MYBPC3: variants seen among roughly 807,000 people sequenced by gnomAD.
The protein encoded by MYBPC3 is myosin-binding protein C, cardiac-type.
MYBPC3 carries 108 observed loss-of-function variants against 159.3 expected under a neutral mutation model. That is an observed-to-expected ratio of 0.68 (90% CI 0.58 to 0.80). The LOEUF (loss-of-function observed/expected upper bound fraction) is 0.80. MYBPC3 is among the 30% of genes least tolerant of loss of function. The pLI, the probability that MYBPC3 is intolerant of heterozygous loss-of-function variation, is 0.00. For missense variants in MYBPC3, 1,631 were observed against 1,762.1 expected, an observed-to-expected ratio of 0.93 and a Z score of 1.33; for synonymous variants, 730 against 702.0, an observed-to-expected ratio of 1.04 and a Z score of -0.63.
Position 47,346,882 on chromosome 11 carries a change from C to T in MYBPC3, c.908+145G>A. ...CAGATAGGTGGGTGGCAGGAGAAGC[C>T]CAAGGCACAGAGACTCACCCCTGTC... On this transcript the variant is annotated intron_variant, in intron 10 of 34. Coordinates refer to ENST00000545968, the MANE Select transcript of MYBPC3 (RefSeq NM_000256.3). This position sits in a 1 kb window ranked among gnomAD's most constrained non-coding sequence, Gnocchi z 5.3. 1 of 715,286 alleles carries T rather than the reference C, an allele frequency of 1.4e-6. No individual in the cohort carries two copies. Among genetic ancestry groups the T allele is most frequent in the Non-Finnish European group, 2.5e-6 (1 of 395,556 alleles). The allele number at this position is 715,286 out of a possible 1,614,324, so 44.3% of individuals were successfully genotyped here.
Position 47,339,641 on chromosome 11 carries a change from C to T in MYBPC3, c.2067+10G>A. 1 of 1,571,608 alleles carries T rather than the reference C, an allele frequency of 6.4e-7. No individual in the cohort carries two copies. On this transcript the variant is annotated intron_variant, in intron 21 of 34. Transcript: ENST00000545968. ...TATAGATGGGGAGACTGAGGAGGGA[C>T]CCACAGTACCTGCGTGATAGCCTTC...
rs772066332 is a variant in MYBPC3, at chr11:47,331,836, G to T, written c.*26+9C>A. 1.2e-6 allele frequency: 2 copies of T among 1,602,486 alleles called. No homozygotes were observed. The highest frequency in any genetic ancestry group is 2.2e-5 in the East Asian group (1 of 44,490). ...CTGACTTGTGCCCTGGGTGTCGGGTGGTACATACCTGGCCATCCCCAGGAG... is the reference window on the plus strand; with the variant it reads ...CTGACTTGTGCCCTGGGTGTCGGGTTGTACATACCTGGCCATCCCCAGGAG... On this transcript the variant is annotated intron_variant, in intron 34 of 34. Coordinates refer to ENST00000545968, the MANE Select transcript of MYBPC3 (RefSeq NM_000256.3).
chr11:47,350,206 C>T (rs541421681), intron 3 of MYBPC3, 94 bp from the exon 4 acceptor site: 276 of 1,366,948 alleles, frequency 2.0e-4, no homozygotes, highest in Non-Finnish European at 2.7e-4. Flanking sequence ...TCACTGCAAG[C>T]TCCGCCTCCC....
chr11:47,349,434 C>T lies in MYBPC3; in HGVS notation c.654+340G>A, dbSNP rs118165686. Among the ~76,000 whole-genome samples, 114 of 152,198 alleles carry T rather than the reference C, an allele frequency of 7.5e-4. No homozygotes were observed. The East Asian group carries it at 0.017, about 23-fold the overall frequency. On this transcript the variant is annotated intron_variant, in intron 5 of 34. Coordinates refer to ENST00000545968, the MANE Select transcript of MYBPC3 (RefSeq NM_000256.3). ...GGCTTTACAACCCCACTAGCTGGTG[C>T]CCCCATGCTTCACAGTGTCCTCCAG...
At position 47,333,957 on chromosome 11, in the gene MYBPC3, C is replaced by T. The variant is rs1565623672; in HGVS notation, c.2959G>A (p.Val987Ile). The T allele has an allele frequency of 3.2e-6, 5 of 1,584,432 alleles. No individual in the cohort carries two copies. The Middle Eastern group carries it at 5.0e-4, about 158-fold the overall frequency. Residue 987 changes from valine to isoleucine, a missense_variant, in exon 28 of 35, where the codon GTC becomes ATC. Physicochemically the swap from Val to Ile is conservative, Grantham distance 29. Coordinates refer to ENST00000545968, the MANE Select transcript of MYBPC3 (RefSeq NM_000256.3). ...RHLRQTIQKKVGEPVNLLIPF... is the reference protein window; with the variant it reads ...RHLRQTIQKKIGEPVNLLIPF... ...ATGAGAAGGTTCACAGGCTCCCCGACCTTCTTCTGAATGGTCTGGCGCAGG... is the reference window on the plus strand; with the variant it reads ...ATGAGAAGGTTCACAGGCTCCCCGATCTTCTTCTGAATGGTCTGGCGCAGG...
rs2095885989 is a variant in MYBPC3 at position 47,339,417 on chromosome 11, C to A, written c.2068-13G>T. ...GGGCCTTATTCCCCTGGGAACAGGG[C>A]AGGAGGGAAGTAGGGAGCAGAGGAG... On this transcript the variant is annotated splice_polypyrimidine_tract_variant and intron_variant, in intron 21 of 34. Coordinates refer to ENST00000545968, the MANE Select transcript of MYBPC3 (RefSeq NM_000256.3). 6.2e-7 allele frequency: 1 copy of A among 1,613,486 alleles called. No individual in the cohort carries two copies. Among genetic ancestry groups the A allele is most frequent in the African/African-American group, 1.3e-5 (1 of 75,056 alleles).
chr11:47,332,282 A>G lies in MYBPC3; in HGVS notation c.3628-24T>C. The G allele has an allele frequency of 1.2e-6, 2 of 1,606,504 alleles. No homozygotes were observed. Among genetic ancestry groups the G allele is most frequent in the Non-Finnish European group, 1.7e-6 (2 of 1,178,820 alleles). On this transcript the variant is annotated intron_variant, in intron 32 of 34. Coordinates refer to ENST00000545968, the MANE Select transcript of MYBPC3 (RefSeq NM_000256.3). The surrounding 1 kb of genome is among the most constrained non-coding windows in gnomAD (Gnocchi z 4.2). Reference sequence around the variant, plus strand: ...GGCTATAAATAAGGTAAAGAGAGGGAGGGAAGCCATCCAGGCTGAGAGGGG... The same window carrying G: ...GGCTATAAATAAGGTAAAGAGAGGGGGGGAAGCCATCCAGGCTGAGAGGGG...
chr11:47,343,791 CTGTT>C (rs1006197400), intron 12 of MYBPC3, among the ~76,000 whole-genome samples, 167 bp from the exon 13 acceptor site: 103 of 151,830 alleles, frequency 6.8e-4, no homozygotes, highest in African/African-American at 2.2e-3. Context: ...GTTTGTTTGT[CTGTT>C]TGTTTGTTTT....
In MYBPC3 at chr11:47,339,320, T is replaced by C; in HGVS notation, c.2148+4A>G. ...AGCCTCCTCCTGACCTCAGTCTCAC[T>C]CACCTTCTTGTCAAACACCCACTCA... On this transcript the variant is annotated splice_donor_region_variant and intron_variant, in intron 22 of 34. Transcript: ENST00000545968. The C allele has an allele frequency of 1.2e-6, 2 of 1,613,960 alleles. No individual in the cohort carries two copies. Among genetic ancestry groups the C allele is most frequent in the South Asian group, 1.1e-5 (1 of 91,086 alleles).
In MYBPC3 at chr11:47,350,295, T is replaced by G. The variant is rs998291636; in HGVS notation, c.407-183A>C. ...GCCCGCCACCACGCCCGGCTAATTT[T>G]TTTGTATTTTTAGTAGAGATGGGGT... On this transcript the variant is annotated intron_variant, in intron 3 of 34. Transcript: ENST00000545968. 5.9e-5 allele frequency among the ~76,000 whole-genome samples: 9 copies of G among 152,260 alleles called. No homozygotes were observed. In the East Asian group the frequency reaches 1.7e-3, roughly 29 times the overall value.
rs763653429 is a variant in MYBPC3 at position 47,332,811 on chromosome 11, C to T, written c.3490+3G>A. 21 of 1,603,766 alleles carry T rather than the reference C, an allele frequency of 1.3e-5. No individual in the cohort carries two copies. Among genetic ancestry groups the T allele is most frequent in the East Asian group, 2.2e-5 (1 of 44,500 alleles). Reference sequence around the variant, plus strand: ...CCTGGTTGGAAGAATGAGGGTACAGCACCTGGTCTGGGGATAAAGACGGGC... The same window carrying T: ...CCTGGTTGGAAGAATGAGGGTACAGTACCTGGTCTGGGGATAAAGACGGGC... On this transcript the variant is annotated splice_donor_region_variant and intron_variant, in intron 31 of 34. Transcript: ENST00000545968. The surrounding 1 kb of genome is among the most constrained non-coding windows in gnomAD (Gnocchi z 4.2).
chr11:47,331,729 T>TGAA lies in MYBPC3; in HGVS notation c.*27-14_*27-13insTTC. On this transcript the variant is annotated splice_polypyrimidine_tract_variant and intron_variant, in intron 34 of 34. Transcript: ENST00000545968. Reference sequence around the variant, plus strand: ...CATCCGGTTGTACCTGCAACACAGGTTATCTTACGAGTGAATGGAGGGCCC... The same window carrying TGAA: ...CATCCGGTTGTACCTGCAACACAGGTGAATATCTTACGAGTGAATGGAGGGCCC... 9.0e-7 allele frequency: 1 copy of TGAA among 1,112,962 alleles called. No homozygotes were observed. Among genetic ancestry groups the TGAA allele is most frequent in the Admixed American group, 2.6e-5 (1 of 38,836 alleles). 68.9% of individuals were successfully genotyped at this position (1,112,962 alleles called of 1,614,324 possible).
rs2856653 is a variant in MYBPC3, at chr11:47,339,533, T to C, written c.2067+118A>G. The C allele has an allele frequency of 0.67, 993,437 of 1,483,902 alleles. 336,355 individuals are homozygous for C. The highest frequency in any genetic ancestry group is 0.98 in the East Asian group (42,512 of 43,308). The allele number at this position is 1,483,902 out of a possible 1,614,324, so 91.9% of individuals were successfully genotyped here. A position where few individuals can be genotyped will look rare whatever the true frequency, so the allele number is the denominator to read the frequency against. ...CCTGCCCCCTGACCAGTCTCTCCCATGGGGTAGCCAACAGCAGGGCGTGCA... is the reference window on the plus strand; with the variant it reads ...CCTGCCCCCTGACCAGTCTCTCCCACGGGGTAGCCAACAGCAGGGCGTGCA... On this transcript the variant is annotated intron_variant, in intron 21 of 34. Transcript: ENST00000545968.
intron 9 of MYBPC3, 73 bp downstream of exon 9, chr11:47,347,353 C>T: frequency 6.4e-7 from 1 of 1,551,846 alleles, no homozygotes; most frequent in Non-Finnish European, 8.7e-7. Flanking sequence ...GGTCACACAG[C>T]TGGCAAACCA....
chr11:47,347,608 G>C (rs11570061), intron 8 of MYBPC3, 43 bp downstream of exon 8: 142 of 1,564,138 alleles, frequency 9.1e-5, no homozygotes, highest in Non-Finnish European at 5.2e-5. Flanking sequence ...TCAGACCCCT[G>C]GGGGTCTGCG....
At chr11:47,345,119 A>C (rs1271383935) in intron 12 of MYBPC3, among the ~76,000 whole-genome samples, 1 of 152,170 alleles carries the variant, frequency 6.6e-6, no homozygotes, top group African/African-American at 2.4e-5. Flanking sequence ...TGTTGTTGCT[A>C]TTCCTGGAAG....
intron 14 of MYBPC3, 50 bp downstream of exon 14, chr11:47,343,210 C>T (rs776094579): frequency 1.9e-5 from 30 of 1,584,970 alleles, no homozygotes; most frequent in South Asian, 5.7e-5. Context: ...CAGTGCGCCC[C>T]ATGATAATCC....
chr11:47,336,069 A>G (rs2095882005), intron 25 of MYBPC3, 58 bp from the exon 26 acceptor site: 1 of 1,378,046 alleles, frequency 7.3e-7, no homozygotes. Flanking sequence ...CTGGAGATCC[A>G]TGCCCTAGAC....
At chr11:47,343,283 T>A (rs1178447240) in intron 13 of MYBPC3, 21 bp from the exon 14 acceptor site, 2 of 1,548,364 alleles carry the variant, frequency 1.3e-6, no homozygotes, top group East Asian at 2.3e-5. Flanking sequence ...GAAGGGGCCG[T>A]TGAAGTGTTC....
Sources: allele counts gnomAD v4.1 joint callset (sites outside exome capture counted in the v4.1 genomes callset), GRCh38; gene constraint gnomAD v4.1.1; non-coding constraint Gnocchi (gnomAD v3.1); transcripts MANE v1.5; gene names NCBI Gene and HGNC (gene_info 2026-07-23, HGNC 2026-07-21).